CSMD1: variants seen among roughly 807,000 people sequenced by gnomAD.
The protein encoded by CSMD1 is CUB and sushi domain-containing protein 1.
CSMD1 carries 213 observed loss-of-function variants against 417.5 expected under a neutral mutation model. The observed-to-expected ratio is 0.51, with a 90% CI of 0.46 to 0.57. The LOEUF (loss-of-function observed/expected upper bound fraction) is 0.57, where lower values mean the gene tolerates loss of function less well. CSMD1 is among the 20% of genes least tolerant of loss of function. CSMD1 has a pLI of 0.00. For synonymous variants in CSMD1, 2,862 were observed against 1,736.8 expected, an observed-to-expected ratio of 1.65 and a Z score of -16.11; for missense variants, 6,923 against 4,529.7, an observed-to-expected ratio of 1.53 and a Z score of -15.17.
chr8:3,953,455 G>C (rs1340169565), intron 5 of CSMD1, among the ~76,000 whole-genome samples: 4 of 152,130 alleles, frequency 2.6e-5, no homozygotes, highest in Non-Finnish European at 2.9e-5. Flanking sequence ...ACAGAGAAGA[G>C]ACCATAAACA....
intron 10 of CSMD1, among the ~76,000 whole-genome samples, chr8:3,499,798 T>A (rs1351752428): frequency 6.6e-6 from 1 of 152,060 alleles, no homozygotes; most frequent in Non-Finnish European, 1.5e-5. Context: ...GATGGCTGCG[T>A]TCTCAAGATG....
At chr8:3,600,423 A>C (rs866641015) in intron 8 of CSMD1, among the ~76,000 whole-genome samples, 7 of 152,234 alleles carry the variant, frequency 4.6e-5, no homozygotes, top group African/African-American at 1.7e-4. Context: ...GAAACTTAAG[A>C]GGTCTCTAAA....
At chr8:3,360,620 C>G (rs577166237) in intron 20 of CSMD1, among the ~76,000 whole-genome samples, 1 of 152,256 alleles carries the variant, frequency 6.6e-6, no homozygotes, top group Admixed American at 6.5e-5. Flanking sequence ...GAAAGGCCAA[C>G]TAAAAGATGT....
intron 12 of CSMD1, among the ~76,000 whole-genome samples, chr8:3,440,896 C>T (rs748609631): frequency 3.3e-5 from 5 of 152,152 alleles, no homozygotes; most frequent in Non-Finnish European, 5.9e-5. Context: ...TGGTGGCCCC[C>T]GATAACGACA....
chr8:3,549,804 C>T (rs762255677), intron 10 of CSMD1, among the ~76,000 whole-genome samples: 4 of 152,138 alleles, frequency 2.6e-5, no homozygotes, highest in Non-Finnish European at 5.9e-5. Context: ...ATAATACACT[C>T]CCTTTCTCTA....
At chr8:3,932,199 C>G (rs368803405) in intron 5 of CSMD1, among the ~76,000 whole-genome samples, 2 of 150,322 alleles carry the variant, frequency 1.3e-5, no homozygotes, top group East Asian at 3.9e-4. Context: ...TTCATCGATA[C>G]TTTGGTCCCA....
chr8:4,400,221 T>G (rs1015356948), intron 3 of CSMD1, among the ~76,000 whole-genome samples: 4 of 152,234 alleles, frequency 2.6e-5, no homozygotes, highest in African/African-American at 4.8e-5. Flanking sequence ...AGCTTGGAAG[T>G]TGCAAACTTA....
chr8:3,364,255 C>G (rs996175656), intron 20 of CSMD1, among the ~76,000 whole-genome samples: 5 of 152,128 alleles, frequency 3.3e-5, no homozygotes, highest in Middle Eastern at 6.8e-3. Context: ...CTCTAACATA[C>G]CTGAAGAATT....
chr8:4,658,422 T>C (rs535536854), intron 1 of CSMD1, among the ~76,000 whole-genome samples: 108 of 152,242 alleles, frequency 7.1e-4, no homozygotes, highest in Non-Finnish European at 1.5e-3. Context: ...TAAAAATTCC[T>C]GGAGGCCAGA....
intron 5 of CSMD1, among the ~76,000 whole-genome samples, chr8:3,881,725 C>G (rs1054617770): frequency 1.3e-5 from 2 of 151,524 alleles, no homozygotes; most frequent in Admixed American, 6.6e-5. Flanking sequence ...GGGCCTTACA[C>G]TACCAGTTAT....
At chr8:3,312,170 G>C (rs1298095376) in intron 23 of CSMD1, among the ~76,000 whole-genome samples, 2 of 151,990 alleles carry the variant, frequency 1.3e-5, no homozygotes, top group Admixed American at 6.5e-5. Context: ...GTTGCATTTT[G>C]TACAGAAATA....
intron 5 of CSMD1, among the ~76,000 whole-genome samples, chr8:3,807,025 A>T (rs1461957753): frequency 4.6e-5 from 7 of 152,140 alleles, no homozygotes; most frequent in African/African-American, 1.7e-4. Flanking sequence ...GAAATATTGT[A>T]ACCCAGGCAG....
At chr8:3,506,650 A>T (rs1034146051) in intron 10 of CSMD1, among the ~76,000 whole-genome samples, 2 of 152,228 alleles carry the variant, frequency 1.3e-5, no homozygotes, top group African/African-American at 2.4e-5. Context: ...TTACATCTGC[A>T]TATTCAGTAA....
intron 7 of CSMD1, among the ~76,000 whole-genome samples, chr8:3,634,625 A>C (rs1247384005): frequency 6.6e-6 from 1 of 152,120 alleles, no homozygotes; most frequent in Non-Finnish European, 1.5e-5. Context: ...GCCTTCTATC[A>C]AATTACTTAA....
intron 1 of CSMD1, among the ~76,000 whole-genome samples, chr8:4,683,418 CATT>C (rs1435240819): frequency 1.3e-5 from 2 of 152,128 alleles, no homozygotes; most frequent in Non-Finnish European, 2.9e-5. Context: ...TTTACACACT[CATT>C]ATATCCTGAA....
chr8:3,782,914 CTG>C (rs1385599873), intron 5 of CSMD1, among the ~76,000 whole-genome samples: 3 of 152,140 alleles, frequency 2.0e-5, no homozygotes, highest in South Asian at 2.1e-4. Context: ...ATAAATAAAA[CTG>C]TGGTTAAAAA....
chr8:4,110,078 A>G (rs1241836701), intron 3 of CSMD1, among the ~76,000 whole-genome samples: 1 of 152,186 alleles, frequency 6.6e-6, no homozygotes, highest in East Asian at 1.9e-4. Context: ...ATCACGTGGA[A>G]TAATAAGCTT....
At chr8:3,421,875 C>T (rs7357480) in intron 12 of CSMD1, among the ~76,000 whole-genome samples, 12,268 of 151,114 alleles carry the variant, frequency 0.081, 613 homozygotes, top group Middle Eastern at 0.15. Flanking sequence ...TAACTTCAGG[C>T]GATCCACCCA....
At chr8:3,312,528 G>A (rs1215363259) in intron 23 of CSMD1, among the ~76,000 whole-genome samples, 1 of 152,152 alleles carries the variant, frequency 6.6e-6, no homozygotes, top group Non-Finnish European at 1.5e-5. Context: ...GTAGACTGAA[G>A]AGAGCTTTGT....
Sources: gnomAD v4.1 joint callset for allele counts (sites outside exome capture counted in the v4.1 genomes callset) on GRCh38, gnomAD v4.1.1 for gene constraint, MANE v1.5 for transcripts, NCBI Gene and HGNC (gene_info 2026-07-23, HGNC 2026-07-21) for gene names.